Variants in SLC16A12 observed in about 807,000 individuals in gnomAD.
SLC16A12 encodes the protein monocarboxylate transporter 12.
In SLC16A12, 17 loss-of-function variants were observed where a neutral mutation model predicts 42.4. That is an observed-to-expected ratio of 0.40 (90% CI 0.27 to 0.60). The LOEUF (loss-of-function observed/expected upper bound fraction) is 0.60. Ranked by LOEUF, SLC16A12 falls within the 20% of genes least tolerant of loss-of-function variation. SLC16A12 has a pLI of 0.42. For missense variants in SLC16A12, 544 were observed against 623.0 expected (o/e 0.87, Z 1.35); for synonymous variants, 224 against 229.4 (o/e 0.98, Z 0.21).
intron 2 of SLC16A12, among the ~76,000 whole-genome samples, chr10:89,484,888 C>T (rs1400977986): frequency 6.6e-6 from 1 of 152,214 alleles, no homozygotes; most frequent in African/African-American, 2.4e-5. Flanking sequence ...CACGTTTGTG[C>T]TACCTGTTCT....
At chr10:89,470,741 A>G (rs926539027) in intron 2 of SLC16A12, among the ~76,000 whole-genome samples, 3 of 152,238 alleles carry the variant, frequency 2.0e-5, no homozygotes, top group Non-Finnish European at 4.4e-5. Flanking sequence ...AAAGTACACA[A>G]TGAGGACAGA....
intron 3 of SLC16A12, among the ~76,000 whole-genome samples, chr10:89,461,665 C>G (rs1186190158): frequency 6.6e-6 from 1 of 152,182 alleles, no homozygotes; most frequent in Non-Finnish European, 1.5e-5. Flanking sequence ...ATCCTATTAG[C>G]TTTGTAAAAC....
chr10:89,500,282 T>C (rs1437369788), intron 2 of SLC16A12, among the ~76,000 whole-genome samples: 1 of 152,132 alleles, frequency 6.6e-6, no homozygotes, highest in Non-Finnish European at 1.5e-5. Context: ...CCTCCCTAAA[T>C]CATTCTATGA....
rs1841903619 is a variant in SLC16A12, at chr10:89,441,175, A to G, written c.381T>C (p.Thr127=). The G allele has an allele frequency of 6.2e-7, 1 of 1,614,034 alleles. No homozygotes were observed. Among genetic ancestry groups the G allele is most frequent in the Non-Finnish European group, 8.5e-7 (1 of 1,179,900 alleles). The change falls in exon 5 of 8, where the codon ACT becomes ACC. Residue 127 remains threonine, a synonymous_variant. Coordinates refer to ENST00000371790, the MANE Select transcript of SLC16A12 (RefSeq NM_213606.4). ...GIMLGGLLAS[T]GLILSSFATS... ...TGGCAAATGAGCTCAGGATGAGTCC[A>G]GTAGATGCAAGCAAGCCACCCAGCA...
At position 89,436,280 on chromosome 10, in the gene SLC16A12, G is replaced by T; in HGVS notation, c.1068C>A (p.Ala356=). The change falls in exon 7 of 8, where the codon GCC becomes GCA. Residue 356 remains alanine, a synonymous_variant. Coordinates refer to ENST00000371790, the MANE Select transcript of SLC16A12 (RefSeq NM_213606.4). ...GATAGCAGAGCCCATCCATTCCCAC[G>T]GCAAAGAGGTAGCAAACATACTGGT... ...KNYQYVCYLF[A]VGMDGLCYLC... is the part of the protein sequence containing the mutation. 6.2e-7 allele frequency: 1 copy of T among 1,614,044 alleles called. No individual in the cohort carries two copies. The highest frequency in any genetic ancestry group is 8.5e-7 in the Non-Finnish European group (1 of 1,179,964).
At chr10:89,520,851 A>G (rs1382808681) in intron 2 of SLC16A12, among the ~76,000 whole-genome samples, 1 of 152,112 alleles carries the variant, frequency 6.6e-6, no homozygotes. Context: ...TACTTACTAG[A>G]GTGCCTGGAT....
At chr10:89,554,330 G>C (rs546020438) in intron 2 of SLC16A12, among the ~76,000 whole-genome samples, 42 of 152,134 alleles carry the variant, frequency 2.8e-4, no homozygotes, top group Non-Finnish European at 5.6e-4. Context: ...ATTCCCTTCT[G>C]ATAGCACCTG....
At chr10:89,434,349 C>T (rs1253510675) in intron 7 of SLC16A12, among the ~76,000 whole-genome samples, 1 of 152,134 alleles carries the variant, frequency 6.6e-6, no homozygotes, top group Admixed American at 6.5e-5. Flanking sequence ...CAATGAAGGC[C>T]ACGAACTGAA....
At chr10:89,529,116 C>G (rs1440892478) in intron 2 of SLC16A12, among the ~76,000 whole-genome samples, 2 of 152,088 alleles carry the variant, frequency 1.3e-5, no homozygotes, top group Non-Finnish European at 2.9e-5. Context: ...TTAACTTTGT[C>G]GTGAGTTTTT....
At chr10:89,518,955 C>T (rs1307189385) in intron 2 of SLC16A12, among the ~76,000 whole-genome samples, 1 of 152,120 alleles carries the variant, frequency 6.6e-6, no homozygotes, top group African/African-American at 2.4e-5. Context: ...ATATTATATA[C>T]TAAATATACA....
intron 2 of SLC16A12, among the ~76,000 whole-genome samples, chr10:89,541,802 T>A (rs997110114): frequency 2.6e-5 from 4 of 152,224 alleles, no homozygotes; most frequent in African/African-American, 9.6e-5. Flanking sequence ...AATCAAAATT[T>A]TTTTCAGATA....
At chr10:89,433,734 T>C (rs976891045) in intron 7 of SLC16A12, among the ~76,000 whole-genome samples, 2 of 152,244 alleles carry the variant, frequency 1.3e-5, no homozygotes, top group Admixed American at 6.5e-5. Context: ...CCATACACTG[T>C]TTTGAGTAAC....
chr10:89,495,128 A>G (rs1842905581), intron 2 of SLC16A12, among the ~76,000 whole-genome samples: 1 of 152,170 alleles, frequency 6.6e-6, no homozygotes, highest in East Asian at 1.9e-4. Flanking sequence ...AGGTGGGCAG[A>G]TCACCTGAGG....
intron 2 of SLC16A12, among the ~76,000 whole-genome samples, chr10:89,480,512 C>A (rs1842646694): frequency 6.6e-6 from 1 of 152,034 alleles, no homozygotes; most frequent in Non-Finnish European, 1.5e-5. Context: ...TCATTGATTT[C>A]TTTCAATAAT....
chr10:89,521,608 C>G (rs1054630418), intron 2 of SLC16A12, among the ~76,000 whole-genome samples: 5 of 152,294 alleles, frequency 3.3e-5, no homozygotes, highest in Admixed American at 6.5e-5. Flanking sequence ...CATGTCATAA[C>G]AAAGCTCCAC....
At chr10:89,505,800 C>A (rs1037833093) in intron 2 of SLC16A12, among the ~76,000 whole-genome samples, 2 of 152,204 alleles carry the variant, frequency 1.3e-5, no homozygotes, top group Non-Finnish European at 2.9e-5. Flanking sequence ...GCAGGTTCCA[C>A]GCCCACAGAG....
chr10:89,438,208 G>A (rs538328871), intron 6 of SLC16A12, among the ~76,000 whole-genome samples: 44 of 152,234 alleles, frequency 2.9e-4, no homozygotes, highest in East Asian at 7.7e-4. Flanking sequence ...CGGTTTTTCC[G>A]TTTAAAAATG....
At chr10:89,510,805 T>TG (rs1416963225) in intron 2 of SLC16A12, among the ~76,000 whole-genome samples, 1 of 152,160 alleles carries the variant, frequency 6.6e-6, no homozygotes, top group Non-Finnish European at 1.5e-5. Context: ...ACCTACAGAA[T>TG]GGGATAAAAT....
At chr10:89,478,891 G>A (rs1006485481) in intron 2 of SLC16A12, among the ~76,000 whole-genome samples, 1 of 152,150 alleles carries the variant, frequency 6.6e-6, no homozygotes, top group Non-Finnish European at 1.5e-5. Flanking sequence ...CTCATTACAA[G>A]TGAATCCAAC....
Sources: allele counts gnomAD v4.1 joint callset (sites outside exome capture counted in the v4.1 genomes callset), GRCh38; gene constraint gnomAD v4.1.1; transcripts MANE v1.5; gene names NCBI Gene and HGNC (gene_info 2026-07-23, HGNC 2026-07-21).